PANK2: variants seen among roughly 807,000 people sequenced by gnomAD.
PANK2 encodes pantothenate kinase 2.
In PANK2, 36 loss-of-function variants were observed where a neutral mutation model predicts 43.1. The observed-to-expected ratio is 0.84, with a 90% confidence interval of 0.64 to 1.10. PANK2 has a LOEUF of 1.10. Among genes scored for constraint, PANK2 ranks in the 50% least tolerant of loss-of-function variants. The probability of loss-of-function intolerance (pLI) is 0.00; values close to 1 mark genes in which losing one functional copy is unlikely to be tolerated. For synonymous variants in PANK2, 281 were observed against 238.2 expected, an observed-to-expected ratio of 1.18 and a Z score of -1.66; for missense variants, 576 against 593.3, an observed-to-expected ratio of 0.97 and a Z score of 0.30.
chr20:3,892,514 A>G (rs116892239), intron 1 of PANK2, among the ~76,000 whole-genome samples: 9,101 of 151,802 alleles, frequency 0.06, 361 homozygotes, highest in East Asian at 0.14. Context: ...ATCTCTACTA[A>G]AAATACAAAA....
intron 1 of PANK2, among the ~76,000 whole-genome samples, chr20:3,898,347 C>T (rs937421689): frequency 1.1e-4 from 16 of 152,110 alleles, no homozygotes; most frequent in African/African-American, 3.9e-4. Flanking sequence ...TTACAGGCGC[C>T]CACCACCATG....
upstream of PANK2, chr20:3,889,001 G>T: frequency 2.1e-6 from 2 of 961,760 alleles, no homozygotes; most frequent in South Asian, 1.7e-5. Context: ...CTGCGAGGAC[G>T]GCACGGAGCA....
chr20:3,910,481 C>T, intron 2 of PANK2, 96 bp from the exon 3 acceptor site: 1 of 1,382,784 alleles, frequency 7.2e-7, no homozygotes, highest in South Asian at 1.2e-5. Context: ...AGTGCACTTT[C>T]ATGGTTGTTT....
chr20:3,916,795 C>A, intron 4 of PANK2, 132 bp from the exon 5 acceptor site: 2 of 1,345,602 alleles, frequency 1.5e-6, no homozygotes, highest in Non-Finnish European at 1.0e-6. Context: ...TGCTCCATTG[C>A]AAAATAAAAG....
At chr20:3,915,326 G>A (rs942893732) in intron 4 of PANK2, among the ~76,000 whole-genome samples, 1 of 151,874 alleles carries the variant, frequency 6.6e-6, no homozygotes, top group Admixed American at 6.6e-5. Context: ...TTGAGATGGA[G>A]TCTTGCTCTG....
At chr20:3,891,655 A>G (rs917534888) in intron 1 of PANK2, among the ~76,000 whole-genome samples, 2 of 152,174 alleles carry the variant, frequency 1.3e-5, no homozygotes, top group Non-Finnish European at 2.9e-5. Context: ...AAATTTTTAG[A>G]TACTGTGGAA....
At chr20:3,909,017 A>G (rs1402374997) in intron 2 of PANK2, 1 of 152,282 alleles carries the variant, frequency 6.6e-6, no homozygotes, top group Non-Finnish European at 1.5e-5. Context: ...TACAGATTGA[A>G]AATGTCTTCA....
rs767222898 is a variant in PANK2 at position 3,912,620 on chromosome 20, G to T, written c.1068G>T (p.Trp356Cys). ...ATGAGAGGTTTGGACTGCCAGGCTG[G>T]GCTGTGGCTTCAAGGTAAGGGGGCA... Residue 356 changes from tryptophan to cysteine, a missense_variant, in exon 4 of 7, where the codon TGG becomes TGT. By Grantham distance (215) the Trp-to-Cys change is radical (BLOSUM62 -2). This residue lies in a region of PANK2 where 544 missense variants were observed against 528.9 expected (regional missense o/e 1.03). Coordinates refer to ENST00000610179, the MANE Select transcript of PANK2 (RefSeq NM_001386393.1). 9 of 1,614,010 alleles carry T rather than the reference G, an allele frequency of 5.6e-6. No individual in the cohort carries two copies. Among genetic ancestry groups the T allele is most frequent in the African/African-American group, 1.3e-5 (1 of 74,994 alleles).
intron 3 of PANK2, among the ~76,000 whole-genome samples, 182 bp downstream of exon 3, chr20:3,911,012 C>T (rs921998706): frequency 1.3e-5 from 2 of 152,172 alleles, no homozygotes; most frequent in Non-Finnish European, 2.9e-5. Context: ...CTCTACTGTT[C>T]AAGATTTATT....
Position 3,929,513 on chromosome 20 carries a change from A to G in PANK2, c.*6219A>G, listed in dbSNP as rs2090788565. 6.6e-6 allele frequency: 1 copy of G among 152,362 alleles called. No individual in the cohort carries two copies. The highest frequency in any genetic ancestry group is 1.5e-5 in the Non-Finnish European group (1 of 68,120). 9.4% of individuals were successfully genotyped at this position (152,362 alleles called of 1,614,324 possible). ...TCAGTAGCTAAGATGTCTGCCCCAC[A>G]AAATAGAAGCCTTCAGTTGCTGCTG... On this transcript the variant is annotated 3_prime_UTR_variant, in exon 7 of 7. Transcript: ENST00000610179.
At chr20:3,896,358 G>A (rs6037685) in intron 1 of PANK2, among the ~76,000 whole-genome samples, 78,553 of 151,272 alleles carry the variant, frequency 0.52, 20,798 homozygotes, top group East Asian at 0.66. Context: ...GATTACAAGC[G>A]TGAGCCACCA....
chr20:3,908,162 A>G lies in PANK2; in HGVS notation c.535A>G (p.Thr179Ala), dbSNP rs761660536. The G allele has an allele frequency of 1.9e-6, 3 of 1,614,176 alleles. No homozygotes were observed. The highest frequency in any genetic ancestry group is 2.5e-6 in the Non-Finnish European group (3 of 1,180,020). ...CAATCTGCACTTTATACGCTTTCCC[A>G]CTCATGACATGCCTGCTTTTATTCA... Residue 179 changes from threonine to alanine, a missense_variant, in exon 2 of 7, where the codon ACT (threonine) becomes GCT (alanine). By Grantham distance (58) the Thr-to-Ala change is moderately conservative. Transcript: ENST00000610179.
At position 3,910,746 on chromosome 20, in the gene PANK2, C is replaced by CT. The variant is rs754576826; in HGVS notation, c.822dup (p.Leu275SerfsTer11). The stretch of plus-strand genomic sequence containing the variant: ...CCATTTGATTTGAAAAATCCGTATC[C>CT]TCTGCTTCTGGTGAACATTGGCTCA... On this transcript the variant is annotated frameshift_variant, in exon 3 of 7. Coordinates refer to ENST00000610179, the MANE Select transcript of PANK2 (RefSeq NM_001386393.1). LOFTEE classifies it high-confidence loss of function. 6.2e-7 allele frequency: 1 copy of CT among 1,614,130 alleles called. No individual in the cohort carries two copies. The highest frequency in any genetic ancestry group is 2.2e-5 in the East Asian group (1 of 44,874).
At chr20:3,915,180 T>C (rs2090537961) in intron 4 of PANK2, among the ~76,000 whole-genome samples, 1 of 152,344 alleles carries the variant, frequency 6.6e-6, no homozygotes, top group South Asian at 2.1e-4. Context: ...TTTGGTGTTA[T>C]GTGTAAGAAA....
chr20:3,913,790 A>ATATATATTT (rs1237943840), intron 4 of PANK2, among the ~76,000 whole-genome samples: 6 of 138,470 alleles, frequency 4.3e-5, no homozygotes, highest in Admixed American at 2.2e-4. Context: ...ATATATATAT[A>ATATATATTT]TTTTTTTTTT....
intron 5 of PANK2, 94 bp downstream of exon 5, chr20:3,917,144 G>GACTACATT: frequency 6.6e-7 from 1 of 1,513,902 alleles, no homozygotes; most frequent in East Asian, 2.3e-5. Context: ...GTGCCTAAAT[G>GACTACATT]TAGTCATTTG....
At chr20:3,888,939 G>GAAAT, upstream of PANK2, 1 of 595,868 alleles carries the variant, frequency 1.7e-6, no homozygotes. Context: ...GTCTGCCGAC[G>GAAAT]ACCAGCGGCC....
At chr20:3,912,343 G>A in intron 3 of PANK2, 115 bp from the exon 4 acceptor site, 2 of 1,103,380 alleles carry the variant, frequency 1.8e-6, no homozygotes, top group Non-Finnish European at 2.7e-6. Context: ...CCTACCAGTG[G>A]CATTTGCATG....
chr20:3,913,352 C>CT (rs2090499449), intron 4 of PANK2, among the ~76,000 whole-genome samples: 1 of 152,054 alleles, frequency 6.6e-6, no homozygotes, highest in Non-Finnish European at 1.5e-5. Context: ...AATAATATTT[C>CT]TTTTTTCTGA....
Sources: gnomAD v4.1 joint callset for allele counts (sites outside exome capture counted in the v4.1 genomes callset) on GRCh38, gnomAD v4.1.1 for gene constraint, gnomAD v4.1.1 regional missense constraint, MANE v1.5 for transcripts, NCBI Gene and HGNC (gene_info 2026-07-23, HGNC 2026-07-21) for gene names.